Variants in ANKRD45 observed in about 807,000 individuals in gnomAD.
ANKRD45 encodes the protein ankyrin repeat domain 45.
A neutral mutation model predicts 28.1 loss-of-function variants in ANKRD45; 21 were observed. The observed-to-expected ratio is 0.75, with a 90% CI of 0.53 to 1.08. The LOEUF (loss-of-function observed/expected upper bound fraction) is 1.08, where lower values mean the gene tolerates loss of function less well. Ranked by LOEUF, ANKRD45 falls within the 50% of genes least tolerant of loss-of-function variation. The probability of loss-of-function intolerance (pLI) is 0.00; values close to 1 mark genes in which losing one functional copy is unlikely to be tolerated. For synonymous variants in ANKRD45, 86 were observed against 103.9 expected, an observed-to-expected ratio of 0.83 and a Z score of 1.05; for missense variants, 261 against 308.7, an observed-to-expected ratio of 0.85 and a Z score of 1.16.
chr1:173,672,133 T>C (rs188025907), upstream of ANKRD45, among the ~76,000 whole-genome samples: 26 of 152,328 alleles, frequency 1.7e-4, no homozygotes, highest in African/African-American at 5.5e-4. Context: ...AGTAACACCA[T>C]CATAAATCTG....
the ANKRD45 span, among the ~76,000 whole-genome samples, chr1:173,706,280 C>T: frequency 8.4e-6 from 1 of 118,850 alleles, no homozygotes; most frequent in Non-Finnish European, 1.7e-5. Context: ...CCAGCCTGGA[C>T]AACAGAGCAA....
chr1:173,691,373 C>T, the ANKRD45 span, among the ~76,000 whole-genome samples: 1 of 152,140 alleles, frequency 6.6e-6, no homozygotes, highest in Non-Finnish European at 1.5e-5. Flanking sequence ...GAGACCGTCC[C>T]CAGAGGGAAA....
chr1:173,643,502 C>G (rs1211181194), intron 3 of ANKRD45, among the ~76,000 whole-genome samples: 2 of 151,876 alleles, frequency 1.3e-5, no homozygotes, highest in East Asian at 1.9e-4. Context: ...CACAGGAAGA[C>G]TTTTAATTTC....
chr1:173,624,944 A>G lies in ANKRD45; in HGVS notation c.592-19T>C. 1 of 1,597,226 alleles carries G rather than the reference A, an allele frequency of 6.3e-7. No homozygotes were observed. Among genetic ancestry groups the G allele is most frequent in the Non-Finnish European group, 8.5e-7 (1 of 1,170,920 alleles). The stretch of plus-strand genomic sequence containing the variant: ...TGGTATTCTAGGGACAGAAATACAG[A>G]GTTTGCTCTCCACTTATTTATTGAA... On this transcript the variant is annotated intron_variant, in intron 4 of 5. Coordinates refer to ENST00000333279, the MANE Select transcript of ANKRD45 (RefSeq NM_198493.3).
the ANKRD45 span, among the ~76,000 whole-genome samples, chr1:173,701,830 A>T: frequency 6.6e-6 from 1 of 152,056 alleles, no homozygotes; most frequent in Non-Finnish European, 1.5e-5. Context: ...AATAAATAAA[A>T]ATTTAAAAAT....
chr1:173,672,420 G>A (rs1473636371), upstream of ANKRD45, among the ~76,000 whole-genome samples: 1 of 152,096 alleles, frequency 6.6e-6, no homozygotes, highest in Non-Finnish European at 1.5e-5. Context: ...ATATCTGGAT[G>A]GAAGATGACT....
chr1:173,714,194 A>C, the ANKRD45 span, among the ~76,000 whole-genome samples: 1 of 152,158 alleles, frequency 6.6e-6, no homozygotes, highest in Non-Finnish European at 1.5e-5. Flanking sequence ...TGTAATCCCC[A>C]CCTTACACTT....
the ANKRD45 span, among the ~76,000 whole-genome samples, chr1:173,695,724 T>C: frequency 2.6e-5 from 4 of 152,168 alleles, no homozygotes; most frequent in African/African-American, 9.7e-5. Flanking sequence ...TACCCAGTAG[T>C]AGGATTGCTG....
At chr1:173,654,736 A>G (rs1669415427) in intron 2 of ANKRD45, among the ~76,000 whole-genome samples, 1 of 152,204 alleles carries the variant, frequency 6.6e-6, no homozygotes, top group Admixed American at 6.5e-5. Context: ...GGGTACACCA[A>G]TCAAATGTAG....
intron 2 of ANKRD45, among the ~76,000 whole-genome samples, chr1:173,653,777 T>G (rs1311462643): frequency 1.3e-5 from 2 of 152,178 alleles, no homozygotes. Context: ...TGAATCTGGG[T>G]GCTCCTGTAT....
At chr1:173,682,722 C>G in the ANKRD45 span, among the ~76,000 whole-genome samples, 1 of 148,694 alleles carries the variant, frequency 6.7e-6, no homozygotes. Context: ...CACACACACA[C>G]ATCTTGGATG....
At chr1:173,657,775 C>G (rs1669610262) in intron 2 of ANKRD45, 1 of 150,694 alleles carries the variant, frequency 6.6e-6, no homozygotes, top group Admixed American at 6.6e-5. Flanking sequence ...TGGCCTATTT[C>G]TTTATTTTCA....
At chr1:173,644,022 CCTCT>C (rs1363088056) in intron 3 of ANKRD45, among the ~76,000 whole-genome samples, 1 of 152,100 alleles carries the variant, frequency 6.6e-6, no homozygotes, top group African/African-American at 2.4e-5. Flanking sequence ...TAGCTAATTC[CCTCT>C]AAGAGAATAT....
chr1:173,665,442 C>G (rs1217068747), intron 1 of ANKRD45, among the ~76,000 whole-genome samples: 2 of 152,134 alleles, frequency 1.3e-5, no homozygotes, highest in African/African-American at 2.4e-5. Flanking sequence ...ACATATTATT[C>G]CACATTTAGA....
upstream of ANKRD45, among the ~76,000 whole-genome samples, chr1:173,671,781 A>C (rs1419739297): frequency 6.6e-6 from 1 of 150,820 alleles, no homozygotes; most frequent in Non-Finnish European, 1.5e-5. Context: ...CCTTGGGAGG[A>C]TGAGGCAGGA....
chr1:173,706,301 CAAAA>C, the ANKRD45 span, among the ~76,000 whole-genome samples: 1 of 93,576 alleles, frequency 1.1e-5, no homozygotes, highest in Admixed American at 1.2e-4. Context: ...GATTCCGTCT[CAAAA>C]AAAAAAAAAA....
chr1:173,682,580 A>G, the ANKRD45 span, among the ~76,000 whole-genome samples: 155 of 152,160 alleles, frequency 1.0e-3, 2 homozygotes, highest in East Asian at 0.025. Context: ...GTAAATGAAG[A>G]AAAAAGAATT....
At chr1:173,645,978 A>T (rs982353735) in intron 3 of ANKRD45, among the ~76,000 whole-genome samples, 2 of 152,182 alleles carry the variant, frequency 1.3e-5, no homozygotes, top group Non-Finnish European at 2.9e-5. Flanking sequence ...CCCACCTAAC[A>T]AATATCCAGA....
intron 3 of ANKRD45, among the ~76,000 whole-genome samples, chr1:173,632,417 T>C (rs1405353232): frequency 6.6e-6 from 1 of 151,430 alleles, no homozygotes; most frequent in African/African-American, 2.4e-5. Flanking sequence ...CTTAAAGAAC[T>C]AGTACCATTC....
Sources: allele counts gnomAD v4.1 joint callset (sites outside exome capture counted in the v4.1 genomes callset), GRCh38; gene constraint gnomAD v4.1.1; transcripts MANE v1.5; gene names NCBI Gene and HGNC (gene_info 2026-07-23, HGNC 2026-07-21).